GALNT2: variants seen among roughly 807,000 people sequenced by gnomAD.
GALNT2 encodes UDP-GalNAc:polypeptide N-acetylgalactosaminyltransferase 2.
GALNT2 carries 31 observed loss-of-function variants against 81.4 expected under a neutral mutation model. That is an observed-to-expected ratio of 0.38 (90% CI 0.29 to 0.51). The LOEUF (loss-of-function observed/expected upper bound fraction) is 0.51, where lower values mean the gene tolerates loss of function less well. Ranked by LOEUF, GALNT2 falls within the 20% of genes least tolerant of loss-of-function variation. GALNT2 has a pLI of 0.87. For missense variants in GALNT2, 629 were observed against 765.7 expected (o/e 0.82, Z 2.11); for synonymous variants, 303 against 287.4 (o/e 1.05, Z -0.55).
intron 11 of GALNT2, among the ~76,000 whole-genome samples, chr1:230,259,942 T>G (rs942599957): frequency 5.9e-5 from 9 of 152,232 alleles, no homozygotes; most frequent in Admixed American, 6.5e-5. Flanking sequence ...GTTTTAAAGT[T>G]AAACTATAAA....
chr1:230,252,008 T>C (rs1159737628), intron 10 of GALNT2, among the ~76,000 whole-genome samples: 2 of 152,162 alleles, frequency 1.3e-5, no homozygotes, highest in African/African-American at 4.8e-5. Flanking sequence ...GGGGTGAAGA[T>C]GAACCCTGCA....
At chr1:230,149,371 C>G (rs1662023850) in intron 1 of GALNT2, among the ~76,000 whole-genome samples, 1 of 152,164 alleles carries the variant, frequency 6.6e-6, no homozygotes, top group African/African-American at 2.4e-5. Context: ...GTGATGGTTG[C>G]TGCCTGCTTG....
chr1:230,182,282 T>G (rs1203260843), intron 2 of GALNT2, among the ~76,000 whole-genome samples: 1 of 152,160 alleles, frequency 6.6e-6, no homozygotes, highest in Non-Finnish European at 1.5e-5. Flanking sequence ...TGGATTTAAC[T>G]TTCTCCTTTT....
chr1:230,166,712 T>C (rs371777745), intron 1 of GALNT2, among the ~76,000 whole-genome samples: 1 of 152,214 alleles, frequency 6.6e-6, no homozygotes, highest in Non-Finnish European at 1.5e-5. Context: ...TTCCTTGCTT[T>C]CTTCCCTTTT....
At chr1:230,073,400 C>G (rs189094734) in intron 1 of GALNT2, among the ~76,000 whole-genome samples, 2 of 152,318 alleles carry the variant, frequency 1.3e-5, no homozygotes, top group Admixed American at 6.5e-5. Context: ...ATCCATCTTC[C>G]CTGATGGGCC....
intron 2 of GALNT2, among the ~76,000 whole-genome samples, chr1:230,194,323 G>T (rs963176082): frequency 3.9e-5 from 6 of 152,206 alleles, no homozygotes; most frequent in African/African-American, 1.4e-4. Context: ...GATGCGTCCT[G>T]CAGAATGGAC....
chr1:230,249,557 G>C (rs938465784), intron 9 of GALNT2, among the ~76,000 whole-genome samples: 11 of 152,238 alleles, frequency 7.2e-5, no homozygotes, highest in South Asian at 2.1e-4. Flanking sequence ...TAGCAGAGCA[G>C]GATCTCCGAG....
chr1:230,157,518 T>C (rs1662296540), intron 1 of GALNT2, among the ~76,000 whole-genome samples: 1 of 152,214 alleles, frequency 6.6e-6, no homozygotes, highest in Non-Finnish European at 1.5e-5. Context: ...ATTTATGTGC[T>C]CTTGGGATTC....
intron 1 of GALNT2, among the ~76,000 whole-genome samples, chr1:230,076,912 C>G (rs1659580282): frequency 6.6e-6 from 1 of 152,164 alleles, no homozygotes. Flanking sequence ...GCGTCAGAGA[C>G]CAGTCCAGGG....
At chr1:230,274,329 C>A in intron 14 of GALNT2, 116 bp from the exon 15 acceptor site, 1 of 1,378,958 alleles carries the variant, frequency 7.3e-7, no homozygotes, top group Non-Finnish European at 9.8e-7. Flanking sequence ...CTCAGGGGTT[C>A]TGAATCTAAG....
chr1:230,215,010 G>A (rs1428117083), intron 3 of GALNT2, among the ~76,000 whole-genome samples: 3 of 152,192 alleles, frequency 2.0e-5, no homozygotes, highest in East Asian at 3.9e-4. Flanking sequence ...CCTCCAAAGA[G>A]GATTTAGTTT....
chr1:230,169,330 T>G (rs1490791286), intron 1 of GALNT2, among the ~76,000 whole-genome samples: 1 of 152,198 alleles, frequency 6.6e-6, no homozygotes, highest in Non-Finnish European at 1.5e-5. Context: ...GTTCTTACAT[T>G]TTCATGTTAT....
intron 3 of GALNT2, among the ~76,000 whole-genome samples, chr1:230,225,363 G>GT (rs1326345083): frequency 2.4e-4 from 36 of 152,192 alleles, no homozygotes; most frequent in African/African-American, 8.2e-4. Context: ...ATGGGCCCTA[G>GT]TGGAAGTGCC....
intron 1 of GALNT2, among the ~76,000 whole-genome samples, chr1:230,162,032 A>T (rs2281718): frequency 0.45 from 69,005 of 151,946 alleles, 18,815 homozygotes; most frequent in Non-Finnish European, 0.61. Flanking sequence ...TTCTGTAAAA[A>T]TTAAAAAAAA....
Position 230,271,391 on chromosome 1 carries a change from C to T in GALNT2, c.1441-3054C>T, listed in dbSNP as rs1666157551. 6.6e-6 allele frequency among the ~76,000 whole-genome samples: 1 copy of T among 152,182 alleles called. No individual in the cohort carries two copies. Among genetic ancestry groups the T allele is most frequent in the Non-Finnish European group, 1.5e-5 (1 of 68,040 alleles). On this transcript the variant is annotated intron_variant, in intron 14 of 15. Coordinates refer to ENST00000366672, the MANE Select transcript of GALNT2 (RefSeq NM_004481.5). The surrounding 1 kb of genome is among the most constrained non-coding windows in gnomAD (Gnocchi z 4.2). ...CTGACACCAGCCCTGTGGGCTTTTC[C>T]CCCCACACCAAGCAATTCTCCAATT...
At position 230,243,405 on chromosome 1, in the gene GALNT2, C is replaced by A. The variant is rs762487680; in HGVS notation, c.707C>A (p.Pro236His). 6.2e-7 allele frequency: 1 copy of A among 1,612,160 alleles called. No homozygotes were observed. Among genetic ancestry groups the A allele is most frequent in the Non-Finnish European group, 8.5e-7 (1 of 1,179,852 alleles). The part of the protein sequence containing the change: ...HCECNEHWLE[P>H]LLERVAEDRT... ...GAGTGTAATGAGCACTGGCTGGAGC[C>A]CCTCCTGGAAAGGGTGGCGGAGGTG... The change falls in exon 7 of 16, where the codon CCC (proline) becomes CAC (histidine). Residue 236 changes from proline (P) to histidine (H), a missense_variant. Transcript: ENST00000366672. This position sits in a 1 kb window ranked among gnomAD's most constrained non-coding sequence, Gnocchi z 4.2.
intron 1 of GALNT2, among the ~76,000 whole-genome samples, chr1:230,151,388 A>G (rs1230829866): frequency 6.6e-6 from 1 of 152,188 alleles, no homozygotes; most frequent in African/African-American, 2.4e-5. Flanking sequence ...GCCTCCAGGA[A>G]GCTCAGGATG....
intron 14 of GALNT2, among the ~76,000 whole-genome samples, chr1:230,266,800 A>C (rs1442733173): frequency 6.6e-6 from 1 of 152,128 alleles, no homozygotes; most frequent in Non-Finnish European, 1.5e-5. Flanking sequence ...GGCGTTGATG[A>C]GTTAGAAAAT....
chr1:230,264,096 A>G (rs1665961071), intron 13 of GALNT2: 1 of 152,306 alleles, frequency 6.6e-6, no homozygotes, highest in South Asian at 2.1e-4. Flanking sequence ...CCAGATGGTC[A>G]CCAGCGATGG....
Sources: allele counts gnomAD v4.1 joint callset (sites outside exome capture counted in the v4.1 genomes callset), GRCh38; gene constraint gnomAD v4.1.1; non-coding constraint Gnocchi (gnomAD v3.1); transcripts MANE v1.5; gene names NCBI Gene and HGNC (gene_info 2026-07-23, HGNC 2026-07-21).